Variants in COL23A1 observed in about 807,000 individuals in gnomAD.
The protein encoded by COL23A1 is collagen alpha-1(XXIII) chain.
COL23A1 carries 97 observed loss-of-function variants against 99.3 expected under a neutral mutation model. The observed-to-expected ratio is 0.98, with a 90% CI of 0.83 to 1.16. The LOEUF (loss-of-function observed/expected upper bound fraction) is 1.16, where lower values mean the gene tolerates loss of function less well. Ranked by LOEUF, COL23A1 falls within the 50% of genes most tolerant of loss-of-function variation. The probability of loss-of-function intolerance (pLI) is 0.00; values close to 1 mark genes in which losing one functional copy is unlikely to be tolerated. For synonymous variants in COL23A1, 320 were observed against 308.2 expected, an observed-to-expected ratio of 1.04 and a Z score of -0.40; for missense variants, 762 against 757.4, an observed-to-expected ratio of 1.01 and a Z score of -0.07.
At chr5:178,381,307 C>A (rs1763369816) in intron 2 of COL23A1, among the ~76,000 whole-genome samples, 1 of 152,190 alleles carries the variant, frequency 6.6e-6, no homozygotes, top group African/African-American at 2.4e-5. Flanking sequence ...GCCCAGGGGA[C>A]CCTGCCGGCT....
At chr5:178,240,469 A>G (rs545592945) in intron 27 of COL23A1, among the ~76,000 whole-genome samples, 7 of 152,316 alleles carry the variant, frequency 4.6e-5, no homozygotes, top group African/African-American at 1.7e-4. Flanking sequence ...ACCGCAGGGC[A>G]TGGCCCATTG....
In COL23A1 at chr5:178,366,032, G is replaced by A. The variant is rs1022755223; in HGVS notation, c.362-59113C>T. On this transcript the variant is annotated intron_variant, in intron 2 of 28. Transcript: ENST00000390654. The surrounding 1 kb of genome is among the most constrained non-coding windows in gnomAD (Gnocchi z 4.4). ...CCTGTGAGTTCACCTCTTCATCTGA[G>A]CTCGCTTCAGATGACGCCCCCAGTG... Among the ~76,000 whole-genome samples, 3 of 152,124 alleles carry A rather than the reference G, an allele frequency of 2.0e-5. No individual in the cohort carries two copies. The highest frequency in any genetic ancestry group is 4.4e-5 in the Non-Finnish European group (3 of 68,016).
intron 2 of COL23A1, among the ~76,000 whole-genome samples, chr5:178,542,482 G>A (rs1761345580): frequency 6.6e-6 from 1 of 152,208 alleles, no homozygotes; most frequent in African/African-American, 2.4e-5. Flanking sequence ...TGCCCCTGAA[G>A]GAAGGGCCTG....
At chr5:178,469,212 T>G (rs967311798) in intron 2 of COL23A1, among the ~76,000 whole-genome samples, 1 of 152,158 alleles carries the variant, frequency 6.6e-6, no homozygotes, top group Non-Finnish European at 1.5e-5. Flanking sequence ...TGAACCTAGG[T>G]GTACAAATAC....
chr5:178,414,831 C>T (rs62389408), intron 2 of COL23A1, among the ~76,000 whole-genome samples: 17,659 of 152,190 alleles, frequency 0.12, 1,177 homozygotes, highest in Non-Finnish European at 0.16. Context: ...AGAAACCCAA[C>T]CCAGCTAAGG....
At chr5:178,320,525 G>A (rs1759236156) in intron 2 of COL23A1, among the ~76,000 whole-genome samples, 1 of 152,234 alleles carries the variant, frequency 6.6e-6, no homozygotes, top group Admixed American at 6.5e-5. Flanking sequence ...TGAGGTCTGA[G>A]GAAGCCGCGC....
chr5:178,555,184 G>A (rs1316164761), intron 2 of COL23A1, among the ~76,000 whole-genome samples: 1 of 152,098 alleles, frequency 6.6e-6, no homozygotes, highest in Non-Finnish European at 1.5e-5. Flanking sequence ...TTATTACAGG[G>A]ACAGCGGTCA....
intron 2 of COL23A1, among the ~76,000 whole-genome samples, chr5:178,336,535 C>T (rs932695642): frequency 2.0e-5 from 3 of 152,190 alleles, no homozygotes; most frequent in Non-Finnish European, 4.4e-5. Context: ...GTACAGAATA[C>T]GTCAACCAGA....
At chr5:178,288,448 C>T (rs1356297742) in intron 4 of COL23A1, 98 bp from the exon 5 acceptor site, 10 of 1,050,764 alleles carry the variant, frequency 9.5e-6, no homozygotes, top group African/African-American at 3.1e-5. Context: ...ACCCGCCCCC[C>T]GACAGCTGGT....
rs149303188 is a variant in COL23A1 at position 178,506,757 on chromosome 5, T to C, written c.361+53925A>G. Among the ~76,000 whole-genome samples, 21 of 152,356 alleles carry C rather than the reference T, an allele frequency of 1.4e-4. No individual in the cohort carries two copies. The East Asian group carries it at 2.9e-3, about 21-fold the overall frequency. Reference sequence around the variant, plus strand: ...ATTACTTATGGTCACATATGTAAATTTGTATATATCATAGTTTCAAAACAA... The same window carrying C: ...ATTACTTATGGTCACATATGTAAATCTGTATATATCATAGTTTCAAAACAA... On this transcript the variant is annotated intron_variant, in intron 2 of 28. Transcript: ENST00000390654.
rs1308882834 is a variant in COL23A1 at position 178,267,348 on chromosome 5, CAG to C, written c.496-17_496-16del. Reference sequence around the variant, plus strand: ...CCTGGTGCACCCTGGGAACAAAAGACAGGGAGAGGCATCACCACTGCTTTCAT... The same window carrying C: ...CCTGGTGCACCCTGGGAACAAAAGACGGAGAGGCATCACCACTGCTTTCAT... On this transcript the variant is annotated splice_polypyrimidine_tract_variant and intron_variant, in intron 7 of 28. Coordinates refer to ENST00000390654, the MANE Select transcript of COL23A1 (RefSeq NM_173465.4). The C allele has an allele frequency of 3.1e-6, 5 of 1,613,420 alleles. No homozygotes were observed. The highest frequency in any genetic ancestry group is 2.2e-5 in the South Asian group (2 of 90,918).
chr5:178,518,151 G>A (rs1232958541), intron 2 of COL23A1, among the ~76,000 whole-genome samples: 6 of 138,050 alleles, frequency 4.3e-5, no homozygotes, highest in Non-Finnish European at 7.7e-5. Context: ...ATCTTGCACC[G>A]CCCTTAATCC....
intron 2 of COL23A1, among the ~76,000 whole-genome samples, chr5:178,550,367 T>C (rs1761935063): frequency 3.3e-5 from 5 of 152,180 alleles, no homozygotes; most frequent in Admixed American, 2.6e-4. Flanking sequence ...CTGGGCTTTG[T>C]AGGACACTCA....
chr5:178,320,666 C>T (rs532942026), intron 2 of COL23A1, among the ~76,000 whole-genome samples: 2 of 152,318 alleles, frequency 1.3e-5, no homozygotes, highest in Admixed American at 6.5e-5. Context: ...ATCCTTGCCT[C>T]GCACCCCAGG....
In COL23A1 at chr5:178,239,347, GTGGGGTCA is replaced by G. The variant is rs369548540; in HGVS notation, c.1582-176_1582-169del. ...AATGCCTCCTCTGTCCACCCAGGTA[GTGGGGTCA>G]TGGGGTCATGGGGAACGACGGCCTC... On this transcript the variant is annotated intron_variant, in intron 27 of 28. Transcript: ENST00000390654. Among the ~76,000 whole-genome samples, 144 of 152,346 alleles carry G rather than the reference GTGGGGTCA, an allele frequency of 9.5e-4. 1 individual carries two copies. The highest frequency in any genetic ancestry group is 3.2e-3 in the African/African-American group (135 of 41,588).
Position 178,266,231 on chromosome 5 carries a change from G to A in COL23A1, c.522+1076C>T, listed in dbSNP as rs550109485. Among the ~76,000 whole-genome samples, 398 of 152,078 alleles carry A rather than the reference G, an allele frequency of 2.6e-3. 2 individuals are homozygous for A. Among genetic ancestry groups the A allele is most frequent in the African/African-American group, 9.1e-3 (378 of 41,502 alleles). On this transcript the variant is annotated intron_variant, in intron 8 of 28. Transcript: ENST00000390654. Reference sequence around the variant, plus strand: ...AATTTTTGTATTTTTAGTAGAGATGGGGTTTCACCATGTTGGTCAGGCTGG... The same window carrying A: ...AATTTTTGTATTTTTAGTAGAGATGAGGTTTCACCATGTTGGTCAGGCTGG...
chr5:178,353,503 A>C (rs1376970991), intron 2 of COL23A1, among the ~76,000 whole-genome samples: 1 of 152,236 alleles, frequency 6.6e-6, no homozygotes, highest in Non-Finnish European at 1.5e-5. Context: ...AGCCAAAAGA[A>C]GAGTGAACCA....
chr5:178,384,765 C>A lies in COL23A1; in HGVS notation c.362-77846G>T, dbSNP rs970180911. 6.6e-6 allele frequency among the ~76,000 whole-genome samples: 1 copy of A among 152,218 alleles called. No homozygotes were observed. The highest frequency in any genetic ancestry group is 1.5e-5 in the Non-Finnish European group (1 of 68,038). ...TATAACAGCCACCACGACCCTTGTA[C>A]CACCCGGGGACGGCCCAGAACAGCC... On this transcript the variant is annotated intron_variant, in intron 2 of 28. Transcript: ENST00000390654. The surrounding 1 kb of genome is among the most constrained non-coding windows in gnomAD (Gnocchi z 5.5).
intron 18 of COL23A1, 34 bp from the exon 19 acceptor site, chr5:178,249,240 T>C: frequency 6.3e-7 from 1 of 1,597,964 alleles, no homozygotes; most frequent in Non-Finnish European, 8.6e-7. Context: ...TGAGTGGGGC[T>C]CAGGAGGTCC....
Sources: allele counts gnomAD v4.1 joint callset (sites outside exome capture counted in the v4.1 genomes callset), GRCh38; gene constraint gnomAD v4.1.1; non-coding constraint Gnocchi (gnomAD v3.1); transcripts MANE v1.5; gene names NCBI Gene and HGNC (gene_info 2026-07-23, HGNC 2026-07-21).